The following FRMD4A variants were observed in gnomAD, a reference collection of about 807,000 sequenced individuals.
FRMD4A encodes FERM domain-containing protein 4A.
Under a neutral mutation model 129.1 loss-of-function variants are expected in FRMD4A, and 29 were observed. That is an observed-to-expected ratio of 0.22 (90% confidence interval 0.17 to 0.31). The LOEUF (loss-of-function observed/expected upper bound fraction) is 0.31, where lower values mean the gene tolerates loss of function less well. FRMD4A is among the 10% of genes least tolerant of loss of function. The pLI is 1.00. For synonymous variants in FRMD4A, 634 were observed against 571.6 expected, an observed-to-expected ratio of 1.11 and a Z score of -1.56; for missense variants, 1,272 against 1,375.8, an observed-to-expected ratio of 0.92 and a Z score of 1.19.
chr10:14,033,383 G>A (rs1833343899), intron 2 of FRMD4A, among the ~76,000 whole-genome samples: 1 of 152,108 alleles, frequency 6.6e-6, no homozygotes, highest in Non-Finnish European at 1.5e-5. Flanking sequence ...ATGCTTATTG[G>A]TGGAGTGTGG....
At chr10:14,055,141 C>A (rs902819832) in intron 2 of FRMD4A, among the ~76,000 whole-genome samples, 1 of 151,936 alleles carries the variant, frequency 6.6e-6, no homozygotes, top group Admixed American at 6.6e-5. Context: ...CAGAGAAGAT[C>A]CCAGGTCTAT....
intron 2 of FRMD4A, among the ~76,000 whole-genome samples, chr10:14,111,458 C>G (rs948824168): frequency 2.0e-5 from 3 of 152,146 alleles, no homozygotes; most frequent in Admixed American, 1.3e-4. Context: ...ATAAAATGCC[C>G]AGATGTTTAG....
At chr10:14,128,081 TTTCTTTCTTTCTTTCTTTC>T (rs1304470504) in intron 2 of FRMD4A, among the ~76,000 whole-genome samples, 26 of 114,982 alleles carry the variant, frequency 2.3e-4, no homozygotes, top group South Asian at 2.9e-4. Context: ...TCTTTCTTTC[TTTCTTTCTTTCTTTCTTTC>T]TTTCTTTTCT....
chr10:13,796,033 C>T (rs1490296761), intron 5 of FRMD4A, among the ~76,000 whole-genome samples: 1 of 152,148 alleles, frequency 6.6e-6, no homozygotes, highest in African/African-American at 2.4e-5. Context: ...GCAGATGGGC[C>T]TGTGGTTTGC....
intron 2 of FRMD4A, among the ~76,000 whole-genome samples, chr10:13,868,155 A>G (rs1236849431): frequency 6.6e-6 from 1 of 151,448 alleles, no homozygotes; most frequent in African/African-American, 2.4e-5. Context: ...TTATTACAAA[A>G]GTGGGCAAGT....
intron 2 of FRMD4A, among the ~76,000 whole-genome samples, chr10:14,288,215 A>T (rs1425008383): frequency 6.6e-6 from 1 of 152,210 alleles, no homozygotes; most frequent in Non-Finnish European, 1.5e-5. Flanking sequence ...AACAAAGTTC[A>T]CAGTCGAACT....
In FRMD4A at chr10:13,774,936, T is replaced by G. The variant is rs1227653676; in HGVS notation, c.384+7986A>C. Among the ~76,000 whole-genome samples the G allele has an allele frequency of 1.2e-4, 16 of 135,194 alleles. No individual in the cohort carries two copies. In the Admixed American group the frequency reaches 1.3e-3, roughly 11 times the overall value. 88.7% of individuals were successfully genotyped at this position (135,194 alleles called of 152,430 possible). A position where few individuals can be genotyped will look rare whatever the true frequency, so the allele number is the denominator to read the frequency against. Reference sequence around the variant, plus strand: ...AAAAAATCAGATAATATAAAGAAACTCTTAGAAATTTAAGAAAAAAAAAAA... The same window carrying G: ...AAAAAATCAGATAATATAAAGAAACGCTTAGAAATTTAAGAAAAAAAAAAA... On this transcript the variant is annotated intron_variant, in intron 6 of 24. Transcript: ENST00000357447.
chr10:14,091,469 C>T (rs1836658599), intron 2 of FRMD4A, among the ~76,000 whole-genome samples: 1 of 152,176 alleles, frequency 6.6e-6, no homozygotes, highest in Non-Finnish European at 1.5e-5. Context: ...GAGTCCCACT[C>T]TGTCACCAGG....
intron 2 of FRMD4A, among the ~76,000 whole-genome samples, chr10:13,951,168 C>A (rs1017939306): frequency 6.6e-6 from 1 of 152,076 alleles, no homozygotes; most frequent in Non-Finnish European, 1.5e-5. Context: ...GGGGAAATGG[C>A]AGTGGGTGTG....
chr10:13,911,495 A>AT (rs2094940012), intron 2 of FRMD4A, among the ~76,000 whole-genome samples: 2 of 152,182 alleles, frequency 1.3e-5, no homozygotes, highest in Admixed American at 1.3e-4. Context: ...AAGGAAATGC[A>AT]TTTTTTGACA....
chr10:14,263,840 A>C (rs1467265436), intron 2 of FRMD4A, among the ~76,000 whole-genome samples: 1 of 152,180 alleles, frequency 6.6e-6, no homozygotes, highest in African/African-American at 2.4e-5. Context: ...GAGGCATTCC[A>C]GCAGCCAGGT....
intron 2 of FRMD4A, among the ~76,000 whole-genome samples, chr10:13,862,997 T>C (rs929222699): frequency 2.0e-5 from 3 of 151,612 alleles, no homozygotes; most frequent in African/African-American, 7.3e-5. Flanking sequence ...ACGGGAGCCC[T>C]GGCATCACCC....
intron 2 of FRMD4A, among the ~76,000 whole-genome samples, chr10:14,010,749 A>T (rs1176533699): frequency 7.0e-6 from 1 of 143,576 alleles, no homozygotes; most frequent in Non-Finnish European, 1.5e-5. Flanking sequence ...GGCTCAAGCA[A>T]TCTCCTCGCT....
intron 3 of FRMD4A, among the ~76,000 whole-genome samples, chr10:13,848,609 C>CGTGT (rs59271113): frequency 0.094 from 11,694 of 123,974 alleles, 514 homozygotes; most frequent in African/African-American, 0.12. Context: ...TGTGTGTGTA[C>CGTGT]GTGTGTGTGT....
intron 2 of FRMD4A, among the ~76,000 whole-genome samples, chr10:13,912,520 ATTTTTTTT>A (rs57865883): frequency 2.3e-3 from 285 of 126,206 alleles, no homozygotes; most frequent in African/African-American, 7.7e-3. Context: ...ACATAATAGA[ATTTTTTTT>A]TTTTTTTTTT....
At chr10:14,170,483 C>T (rs1190849441) in intron 2 of FRMD4A, among the ~76,000 whole-genome samples, 1 of 152,104 alleles carries the variant, frequency 6.6e-6, no homozygotes, top group African/African-American at 2.4e-5. Flanking sequence ...ATCTGAAGTA[C>T]AGCGCAGGAT....
intron 3 of FRMD4A, among the ~76,000 whole-genome samples, chr10:13,836,533 G>A (rs1011560068): frequency 1.3e-5 from 2 of 152,140 alleles, no homozygotes; most frequent in African/African-American, 2.4e-5. Flanking sequence ...GGAGCCACCC[G>A]TTACCCCTAG....
chr10:13,921,768 T>A (rs951568119), intron 2 of FRMD4A, among the ~76,000 whole-genome samples: 2 of 152,182 alleles, frequency 1.3e-5, no homozygotes, highest in African/African-American at 4.8e-5. Context: ...GAACTGCAAT[T>A]CAAACCCAGA....
chr10:13,685,992 A>T (rs1340939141), intron 15 of FRMD4A, among the ~76,000 whole-genome samples: 1 of 152,214 alleles, frequency 6.6e-6, no homozygotes, highest in African/African-American at 2.4e-5. Context: ...CTCCCTCTCA[A>T]TTTTGACTCA....
Sources: gnomAD v4.1 joint callset for allele counts (sites outside exome capture counted in the v4.1 genomes callset) on GRCh38, gnomAD v4.1.1 for gene constraint, MANE v1.5 for transcripts, NCBI Gene and HGNC (gene_info 2026-07-23, HGNC 2026-07-21) for gene names.